Variants in GSTCD observed in about 807,000 individuals in gnomAD.
The protein encoded by GSTCD is glutathione S-transferase C-terminal domain-containing protein.
A neutral mutation model predicts 68.3 loss-of-function variants in GSTCD; 44 were observed. That is an observed-to-expected ratio of 0.64 (90% CI 0.51 to 0.83). The LOEUF (loss-of-function observed/expected upper bound fraction) is 0.83, where lower values mean the gene tolerates loss of function less well. Ranked by LOEUF, GSTCD falls within the 40% of genes least tolerant of loss-of-function variation. The pLI is 0.00. For missense variants in GSTCD, 739 were observed against 735.9 expected, an observed-to-expected ratio of 1.00 and a Z score of -0.05; for synonymous variants, 273 against 255.2, an observed-to-expected ratio of 1.07 and a Z score of -0.67.
chr4:105,719,913 G>A (rs181595661), intron 3 of GSTCD, among the ~76,000 whole-genome samples: 15 of 151,600 alleles, frequency 9.9e-5, no homozygotes, highest in African/African-American at 3.4e-4. Context: ...TGGATACTCC[G>A]TTGGACGTCT....
intron 5 of GSTCD, among the ~76,000 whole-genome samples, chr4:105,780,608 T>A (rs6832006): frequency 0.028 from 4,256 of 152,308 alleles, 177 homozygotes; most frequent in African/African-American, 0.089. Flanking sequence ...GAAAATGTTG[T>A]GCTGTTATCA....
chr4:105,769,269 ACACAC>A (rs1734747829), intron 5 of GSTCD, among the ~76,000 whole-genome samples: 1 of 115,574 alleles, frequency 8.7e-6, no homozygotes, highest in Non-Finnish European at 1.9e-5. Context: ...ACACACACAC[ACACAC>A]CACTTTTCCT....
At position 105,822,999 on chromosome 4, in the gene GSTCD, A is replaced by G; in HGVS notation, c.1286A>G (p.Asn429Ser). 6.2e-7 allele frequency: 1 copy of G among 1,613,836 alleles called. No homozygotes were observed. The change falls in exon 6 of 12, where the codon AAC becomes AGC. Residue 429 changes from asparagine to serine, a missense_variant. Physicochemically the swap from Asn to Ser is conservative, Grantham distance 46 (BLOSUM62 1). Transcript: ENST00000515279. ...GCTTTGAGGAAGCAGCAACAGTTGA[A>G]CAACCTTGTCTATGTGGTAACAAAT... ...DRALRKQQQLNNLVYVVTNQA... is the reference protein window; with the variant it reads ...DRALRKQQQLSNLVYVVTNQA...
In GSTCD at chr4:105,845,434, G is replaced by A; in HGVS notation, c.1766-7G>A. On this transcript the variant is annotated splice_region_variant and splice_polypyrimidine_tract_variant and intron_variant, in intron 11 of 11. Transcript: ENST00000515279. ...GTGTCTCATGATACCATTTGACTGTGTTTCAGGAAAACAGTGCATGTGCTT... is the reference window on the plus strand; with the variant it reads ...GTGTCTCATGATACCATTTGACTGTATTTCAGGAAAACAGTGCATGTGCTT... 1 of 1,614,032 alleles carries A rather than the reference G, an allele frequency of 6.2e-7. No individual in the cohort carries two copies. The highest frequency in any genetic ancestry group is 8.5e-7 in the Non-Finnish European group (1 of 1,179,956).
intron 4 of GSTCD, among the ~76,000 whole-genome samples, 154 bp from the exon 5 acceptor site, chr4:105,729,252 T>C (rs1465482857): frequency 6.6e-6 from 1 of 152,182 alleles, no homozygotes; most frequent in Non-Finnish European, 1.5e-5. Context: ...ATGGTATTTT[T>C]ATTTAATTAA....
At chr4:105,720,459 G>A (rs905423750) in intron 3 of GSTCD, among the ~76,000 whole-genome samples, 5 of 152,118 alleles carry the variant, frequency 3.3e-5, no homozygotes, top group African/African-American at 4.8e-5. Flanking sequence ...GACTGCTATC[G>A]AAAATCTATG....
At chr4:105,734,798 CA>C (rs1165347380) in intron 5 of GSTCD, among the ~76,000 whole-genome samples, 13 of 152,102 alleles carry the variant, frequency 8.5e-5, no homozygotes, top group Admixed American at 7.9e-4. Flanking sequence ...GTTTTTTCCC[CA>C]CCTTTGTGGT....
chr4:105,720,874 A>G (rs1732839006), intron 3 of GSTCD, among the ~76,000 whole-genome samples: 1 of 152,178 alleles, frequency 6.6e-6, no homozygotes, highest in Non-Finnish European at 1.5e-5. Flanking sequence ...TGAAAGTGGC[A>G]TATCCATTCC....
In GSTCD at chr4:105,741,819, T is replaced by C. The variant is rs17036152; in HGVS notation, c.1240+12320T>C. Among the ~76,000 whole-genome samples, 1,097 of 152,336 alleles carry C rather than the reference T, an allele frequency of 7.2e-3. 12 individuals are homozygous for C. Among genetic ancestry groups the C allele is most frequent in the African/African-American group, 0.024 (1,003 of 41,580 alleles). On this transcript the variant is annotated intron_variant, in intron 5 of 11. Transcript: ENST00000515279. ...AGCAGGGCTACAGGGTATACTCACA[T>C]TACATTCACTGTTTCTTAAAAGGTT...
intron 4 of GSTCD, among the ~76,000 whole-genome samples, chr4:105,727,211 G>T (rs1164718223): frequency 6.6e-6 from 1 of 151,106 alleles, no homozygotes. Flanking sequence ...TTTTAGTTTG[G>T]ATAATGATTG....
chr4:105,802,642 T>C (rs538600032), intron 5 of GSTCD, among the ~76,000 whole-genome samples: 1 of 152,248 alleles, frequency 6.6e-6, no homozygotes, highest in South Asian at 2.1e-4. Context: ...AAGTTTACAT[T>C]TCATCATCTA....
chr4:105,743,604 G>A (rs769171587), intron 5 of GSTCD, among the ~76,000 whole-genome samples: 24 of 136,432 alleles, frequency 1.8e-4, no homozygotes, highest in Non-Finnish European at 3.1e-4. Context: ...TGCAGACATT[G>A]TTCACTTTCA....
chr4:105,826,904 A>AT (rs1188573865), intron 8 of GSTCD, among the ~76,000 whole-genome samples: 1 of 152,048 alleles, frequency 6.6e-6, no homozygotes, highest in Non-Finnish European at 1.5e-5. Flanking sequence ...AGTATTTCTG[A>AT]TTTTTACCCA....
intron 5 of GSTCD, among the ~76,000 whole-genome samples, chr4:105,804,575 G>C (rs1736258303): frequency 6.7e-6 from 1 of 149,728 alleles, no homozygotes; most frequent in Non-Finnish European, 1.5e-5. Flanking sequence ...TTACCCTCTA[G>C]TAATCATGAC....
At chr4:105,836,226 A>T (rs1055062460) in intron 9 of GSTCD, among the ~76,000 whole-genome samples, 3 of 152,196 alleles carry the variant, frequency 2.0e-5, no homozygotes, top group Non-Finnish European at 4.4e-5. Context: ...CAGAGTGGGT[A>T]GCTTCTCTCC....
At chr4:105,719,001 C>T in intron 2 of GSTCD, 59 bp from the exon 3 acceptor site, 1 of 1,320,982 alleles carries the variant, frequency 7.6e-7, no homozygotes, top group African/African-American at 1.5e-5. Context: ...GTTATTTTTT[C>T]TAAAGTTATA....
intron 5 of GSTCD, among the ~76,000 whole-genome samples, chr4:105,738,558 T>A (rs1400714209): frequency 6.6e-6 from 1 of 152,208 alleles, no homozygotes; most frequent in Non-Finnish European, 1.5e-5. Context: ...TCAATTTCTT[T>A]TATCAGTGTT....
chr4:105,756,900 A>C (rs1734218663), intron 5 of GSTCD, among the ~76,000 whole-genome samples: 1 of 152,224 alleles, frequency 6.6e-6, no homozygotes, highest in Non-Finnish European at 1.5e-5. Context: ...TGAGAACTCT[A>C]GATCTACATG....
intron 5 of GSTCD, among the ~76,000 whole-genome samples, chr4:105,799,697 C>T (rs1736031761): frequency 6.6e-6 from 1 of 150,928 alleles, no homozygotes; most frequent in African/African-American, 2.4e-5. Flanking sequence ...ATCTCCATAA[C>T]AGATATAATA....
Sources: gnomAD v4.1 joint callset for allele counts (sites outside exome capture counted in the v4.1 genomes callset) on GRCh38, gnomAD v4.1.1 for gene constraint, MANE v1.5 for transcripts, NCBI Gene and HGNC (gene_info 2026-07-23, HGNC 2026-07-21) for gene names.